The following ANKS1B variants were observed in gnomAD, a reference collection of about 807,000 sequenced individuals.
ANKS1B encodes the protein ankyrin repeat and sterile alpha motif domain containing 1B, also known as ankyrin repeat and sterile alpha motif domain-containing protein 1B.
A neutral mutation model predicts 148.3 loss-of-function variants in ANKS1B; 36 were observed. The ratio of observed to expected loss-of-function variants is 0.24; its 90% CI spans 0.19 to 0.32. The LOEUF is 0.32. ANKS1B is among the 10% of genes least tolerant of loss of function. ANKS1B has a pLI of 1.00. For missense variants in ANKS1B, 1,157 were observed against 1,542.6 expected, an observed-to-expected ratio of 0.75 and a Z score of 4.19; for synonymous variants, 542 against 560.8, an observed-to-expected ratio of 0.97 and a Z score of 0.47.
chr12:99,772,846 T>C (rs2063328259), intron 8 of ANKS1B, 76 bp downstream of exon 8: 14 of 1,407,614 alleles, frequency 9.9e-6, no homozygotes, highest in Non-Finnish European at 1.2e-5. Flanking sequence ...ATGCACCACA[T>C]CCCATACCTC....
At chr12:98,934,220 C>T (rs960872267) in intron 17 of ANKS1B, among the ~76,000 whole-genome samples, 2 of 152,070 alleles carry the variant, frequency 1.3e-5, no homozygotes, top group African/African-American at 4.8e-5. Flanking sequence ...ATGTCACGTC[C>T]AGTCTTCTCA....
At chr12:99,445,501 A>C (rs776785456) in intron 10 of ANKS1B, among the ~76,000 whole-genome samples, 3 of 152,014 alleles carry the variant, frequency 2.0e-5, no homozygotes, top group Non-Finnish European at 4.4e-5. Flanking sequence ...TATAAACTAT[A>C]AACTTTGGGT....
intron 17 of ANKS1B, among the ~76,000 whole-genome samples, chr12:98,911,342 C>A (rs1393827006): frequency 6.6e-6 from 1 of 152,052 alleles, no homozygotes; most frequent in Non-Finnish European, 1.5e-5. Context: ...TTATACAGCC[C>A]TGAGGAGGTT....
chr12:99,848,506 G>A (rs1038026885), intron 1 of ANKS1B, among the ~76,000 whole-genome samples: 2 of 152,142 alleles, frequency 1.3e-5, no homozygotes, highest in Admixed American at 1.3e-4. Flanking sequence ...AGAACAACTG[G>A]CACAGGGATA....
chr12:99,797,912 T>C (rs1381899377), intron 4 of ANKS1B, among the ~76,000 whole-genome samples: 2 of 152,018 alleles, frequency 1.3e-5, no homozygotes, highest in East Asian at 3.9e-4. Context: ...GCTTCCCTTC[T>C]TTTTGGCGTT....
At chr12:99,595,079 A>G (rs928995023) in intron 9 of ANKS1B, among the ~76,000 whole-genome samples, 12 of 152,020 alleles carry the variant, frequency 7.9e-5, no homozygotes, top group Non-Finnish European at 1.5e-5. Context: ...GGCACAAATA[A>G]TAGTTTAACT....
chr12:99,752,032 A>G (rs2061154421), intron 8 of ANKS1B, among the ~76,000 whole-genome samples: 1 of 151,980 alleles, frequency 6.6e-6, no homozygotes, highest in South Asian at 2.1e-4. Flanking sequence ...AATGGGGAAA[A>G]TGATGAGAGA....
chr12:99,038,944 A>T (rs1256150296), intron 17 of ANKS1B, among the ~76,000 whole-genome samples: 2 of 152,210 alleles, frequency 1.3e-5, no homozygotes, highest in African/African-American at 4.8e-5. Context: ...AGCTGATATC[A>T]TATTACAGAC....
chr12:99,474,361 T>A (rs1315778443), intron 10 of ANKS1B, among the ~76,000 whole-genome samples: 1 of 152,122 alleles, frequency 6.6e-6, no homozygotes, highest in Non-Finnish European at 1.5e-5. Flanking sequence ...GAGTTATGAC[T>A]AGTAATTAGT....
intron 14 of ANKS1B, among the ~76,000 whole-genome samples, chr12:99,159,637 G>A (rs538347021): frequency 6.6e-6 from 1 of 152,214 alleles, no homozygotes; most frequent in African/African-American, 2.4e-5. Flanking sequence ...CCATTGATGA[G>A]TACTCAGGTT....
intron 9 of ANKS1B, among the ~76,000 whole-genome samples, chr12:99,625,260 G>T (rs1281618718): frequency 6.6e-6 from 1 of 152,022 alleles, no homozygotes; most frequent in Non-Finnish European, 1.5e-5. Context: ...GGTGGGTAAA[G>T]GCTGAAAAAC....
At chr12:99,485,998 A>T (rs972943705) in intron 10 of ANKS1B, among the ~76,000 whole-genome samples, 24 of 152,122 alleles carry the variant, frequency 1.6e-4, no homozygotes, top group African/African-American at 5.1e-4. Context: ...TAGCTTAATA[A>T]TCAACCTTCT....
At chr12:99,505,986 T>A (rs10128807) in intron 9 of ANKS1B, among the ~76,000 whole-genome samples, 2 of 151,896 alleles carry the variant, frequency 1.3e-5, no homozygotes, top group Non-Finnish European at 2.9e-5. Context: ...ATTAGTTACT[T>A]ACCCTTGTGG....
At chr12:99,828,332 A>G (rs1261487971) in intron 1 of ANKS1B, among the ~76,000 whole-genome samples, 1 of 152,174 alleles carries the variant, frequency 6.6e-6, no homozygotes, top group Non-Finnish European at 1.5e-5. Context: ...AGTGATAGGA[A>G]GAGATGCTAA....
intron 14 of ANKS1B, among the ~76,000 whole-genome samples, chr12:99,200,404 A>C (rs940060889): frequency 6.6e-6 from 1 of 152,342 alleles, no homozygotes; most frequent in South Asian, 2.1e-4. Flanking sequence ...TAGAATGGCT[A>C]GATGGTTGTC....
intron 22 of ANKS1B, chr12:98,794,695 A>T: frequency 1.1e-6 from 1 of 952,106 alleles, no homozygotes; most frequent in South Asian, 1.3e-5. Context: ...ATTCATTTGA[A>T]TTTGAAAACC....
intron 17 of ANKS1B, among the ~76,000 whole-genome samples, chr12:98,865,798 T>C (rs1397549922): frequency 6.6e-6 from 1 of 152,164 alleles, no homozygotes; most frequent in Non-Finnish European, 1.5e-5. Context: ...ATAGCTGGTA[T>C]AGAGGGCCTG....
intron 17 of ANKS1B, among the ~76,000 whole-genome samples, chr12:98,936,749 T>A (rs1010112023): frequency 6.6e-6 from 1 of 152,200 alleles, no homozygotes; most frequent in Non-Finnish European, 1.5e-5. Context: ...TGGTCTTAAG[T>A]CAATTTAATC....
chr12:99,664,682 G>T (rs1384816172), intron 8 of ANKS1B, among the ~76,000 whole-genome samples: 1 of 152,102 alleles, frequency 6.6e-6, no homozygotes, highest in Non-Finnish European at 1.5e-5. Context: ...CACCGCAAAA[G>T]GTTACCTTGA....
Sources: gnomAD v4.1 joint callset for allele counts (sites outside exome capture counted in the v4.1 genomes callset) on GRCh38, gnomAD v4.1.1 for gene constraint, MANE v1.5 for transcripts, NCBI Gene and HGNC (gene_info 2026-07-23, HGNC 2026-07-21) for gene names.